Variants in LIN28B observed in about 807,000 individuals in gnomAD.
LIN28B encodes protein lin-28 homolog B.
A neutral mutation model predicts 21.9 loss-of-function variants in LIN28B; 5 were observed. That is an observed-to-expected ratio of 0.23 (90% CI 0.12 to 0.48). The LOEUF (loss-of-function observed/expected upper bound fraction) is 0.48. LIN28B is among the 20% of genes least tolerant of loss of function. LIN28B has a pLI of 0.98. For synonymous variants in LIN28B, 109 were observed against 111.3 expected (o/e 0.98, Z 0.13); for missense variants, 245 against 310.5 (o/e 0.79, Z 1.58).
chr6:105,034,289 G>A (rs1221248315), intron 3 of LIN28B, among the ~76,000 whole-genome samples: 1 of 151,726 alleles, frequency 6.6e-6, no homozygotes, highest in Non-Finnish European at 1.5e-5. Context: ...ATGCAGTGTT[G>A]ACTTGAATTT....
intron 3 of LIN28B, among the ~76,000 whole-genome samples, chr6:105,076,872 G>A (rs1772436319): frequency 6.6e-6 from 1 of 151,706 alleles, no homozygotes; most frequent in African/African-American, 2.4e-5. Context: ...CCAAAGTGCT[G>A]GGATTACAAG....
In LIN28B at chr6:105,078,816, G is replaced by A. The variant is rs760365016; in HGVS notation, c.*33G>A. The stretch of plus-strand genomic sequence containing the variant: ...TCTTCATATGTTCTTTCCTTTACCC[G>A]GTTGCAAAGTCTACCTCATGCAAGT... On this transcript the variant is annotated 3_prime_UTR_variant, in exon 4 of 4. Transcript: ENST00000345080. The A allele has an allele frequency of 9.5e-6, 15 of 1,584,906 alleles. No homozygotes were observed. Among genetic ancestry groups the A allele is most frequent in the Admixed American group, 7.0e-5 (4 of 57,260 alleles).
intron 3 of LIN28B, among the ~76,000 whole-genome samples, chr6:105,063,265 C>T (rs1451211871): frequency 6.6e-6 from 1 of 151,980 alleles, no homozygotes; most frequent in Non-Finnish European, 1.5e-5. Flanking sequence ...TTCTCTCTGC[C>T]ATTATGGACA....
At chr6:104,978,167 T>C (rs1333579588) in intron 2 of LIN28B, among the ~76,000 whole-genome samples, 1 of 152,210 alleles carries the variant, frequency 6.6e-6, no homozygotes, top group Non-Finnish European at 1.5e-5. Context: ...CCCACCTTCT[T>C]TTTTTCAGTG....
intron 3 of LIN28B, among the ~76,000 whole-genome samples, chr6:105,053,939 T>G (rs1273382406): frequency 6.6e-6 from 1 of 152,180 alleles, no homozygotes; most frequent in Non-Finnish European, 1.5e-5. Flanking sequence ...AGACAGGGTT[T>G]CACCGTGTTG....
intron 2 of LIN28B, among the ~76,000 whole-genome samples, chr6:104,949,453 A>G (rs1029411739): frequency 6.6e-6 from 1 of 152,306 alleles, no homozygotes; most frequent in South Asian, 2.1e-4. Flanking sequence ...CATCCTTTGT[A>G]AAAAGAACCT....
intron 3 of LIN28B, among the ~76,000 whole-genome samples, chr6:105,040,406 AAGT>A (rs1376468013): frequency 6.6e-6 from 1 of 151,766 alleles, no homozygotes; most frequent in Non-Finnish European, 1.5e-5. Flanking sequence ...ATACGAATTT[AAGT>A]AGTAGTCTCC....
At chr6:105,019,616 G>A (rs1313472202) in intron 2 of LIN28B, among the ~76,000 whole-genome samples, 4 of 152,126 alleles carry the variant, frequency 2.6e-5, no homozygotes, top group Non-Finnish European at 5.9e-5. Context: ...CATCATACAT[G>A]TGTGTAAGCA....
intron 3 of LIN28B, chr6:105,058,057 A>T (rs985417622): frequency 2.6e-6 from 1 of 387,862 alleles, no homozygotes; most frequent in African/African-American, 2.2e-5. Flanking sequence ...TATTTCTTGA[A>T]CTTTTGTCTA....
Position 104,962,722 on chromosome 6 carries a change from G to A in LIN28B, c.198+4436G>A, listed in dbSNP as rs373118047. Among the ~76,000 whole-genome samples, 336 of 152,030 alleles carry A rather than the reference G, an allele frequency of 2.2e-3. 4 individuals are homozygous for A. In the South Asian group the frequency reaches 0.027, roughly 12 times the overall value. On this transcript the variant is annotated intron_variant, in intron 2 of 3. Transcript: ENST00000345080. Reference sequence around the variant, plus strand: ...GTATATTCATTTTTAAGGGCTTTTCGTAATATTTCATTGCTAATTAATTAA... The same window carrying A: ...GTATATTCATTTTTAAGGGCTTTTCATAATATTTCATTGCTAATTAATTAA...
intron 2 of LIN28B, among the ~76,000 whole-genome samples, chr6:104,939,734 A>C (rs1778057198): frequency 1.3e-5 from 2 of 152,174 alleles, no homozygotes; most frequent in African/African-American, 4.8e-5. Context: ...CTATATTTTA[A>C]ATTTTTGAAC....
intron 2 of LIN28B, among the ~76,000 whole-genome samples, chr6:105,014,641 G>A (rs371066835): frequency 7.9e-5 from 12 of 152,142 alleles, no homozygotes; most frequent in East Asian, 3.9e-4. Context: ...TTTTTATAGC[G>A]ACAGGGTTTT....
intron 3 of LIN28B, among the ~76,000 whole-genome samples, chr6:105,072,847 GT>G (rs555972973): frequency 1.6e-4 from 24 of 152,320 alleles, no homozygotes; most frequent in African/African-American, 5.5e-4. Context: ...AGACTTACTA[GT>G]TCTGTGACTC....
chr6:104,951,811 G>A (rs1196099881), intron 3 of LIN28B, among the ~76,000 whole-genome samples: 2 of 152,198 alleles, frequency 1.3e-5, no homozygotes, highest in Non-Finnish European at 2.9e-5. Flanking sequence ...GAGTTCCAGA[G>A]AAGTTTAGTG....
At chr6:105,061,384 A>C (rs1243478863) in intron 3 of LIN28B, among the ~76,000 whole-genome samples, 2 of 152,274 alleles carry the variant, frequency 1.3e-5, no homozygotes, top group East Asian at 3.9e-4. Context: ...AATAGAAATT[A>C]ATTATAGAGC....
chr6:105,040,866 T>C (rs1322121251), intron 3 of LIN28B, among the ~76,000 whole-genome samples: 6 of 152,034 alleles, frequency 3.9e-5, no homozygotes, highest in African/African-American at 1.4e-4. Context: ...CTTATATCTT[T>C]AAATTTCCTC....
intron 3 of LIN28B, among the ~76,000 whole-genome samples, chr6:105,043,030 TCCTTTGCTCACTGG>T (rs1221050349): frequency 1.3e-5 from 2 of 152,156 alleles, no homozygotes; most frequent in East Asian, 3.8e-4. Context: ...CTCTGAACTG[TCCTTTGCTCACTGG>T]AAGAATATAT....
At chr6:105,063,644 G>GT (rs1490125577) in intron 3 of LIN28B, among the ~76,000 whole-genome samples, 21 of 141,446 alleles carry the variant, frequency 1.5e-4, no homozygotes, top group Admixed American at 4.2e-4. Context: ...TCGGGGGGGG[G>GT]GGGGAAAAAA....
At chr6:104,966,111 A>C (rs897610232) in intron 2 of LIN28B, among the ~76,000 whole-genome samples, 51 of 152,282 alleles carry the variant, frequency 3.3e-4, no homozygotes, top group African/African-American at 1.1e-3. Flanking sequence ...CCTAACACAA[A>C]CTTGGCAGAT....
Sources: allele counts gnomAD v4.1 joint callset (sites outside exome capture counted in the v4.1 genomes callset), GRCh38; gene constraint gnomAD v4.1.1; transcripts MANE v1.5; gene names NCBI Gene and HGNC (gene_info 2026-07-23, HGNC 2026-07-21).